PLEKHA8: variants seen among roughly 807,000 people sequenced by gnomAD.
PLEKHA8 encodes pleckstrin homology domain containing A8.
Under a neutral mutation model 68.2 loss-of-function variants are expected in PLEKHA8, and 36 were observed. The observed-to-expected ratio is 0.53, with a 90% CI of 0.40 to 0.70. PLEKHA8 has a LOEUF of 0.70. PLEKHA8 is among the 30% of genes least tolerant of loss of function. The pLI is 0.00. For synonymous variants in PLEKHA8, 211 were observed against 216.1 expected (o/e 0.98, Z 0.20); for missense variants, 505 against 615.4 (o/e 0.82, Z 1.90).
chr7:30,080,272 GC>G lies in PLEKHA8; in HGVS notation c.*1488del. The G allele has an allele frequency of 1.0e-6, 1 of 985,386 alleles. No individual in the cohort carries two copies. The highest frequency in any genetic ancestry group is 1.2e-6 in the Non-Finnish European group (1 of 829,920). The allele number at this position is 985,386 out of a possible 1,614,324, so 61.0% of individuals were successfully genotyped here. On this transcript the variant is annotated 3_prime_UTR_variant, in exon 14 of 14. Transcript: ENST00000449726. ...TGCACAGTGTGATGCTCCAACCCTG[GC>G]CCTAGTCTCAGTAGACCATGCTGCC... is the stretch of plus-strand genomic sequence containing the variant.
chr7:30,129,317 G>C (rs183218510), exon 14 of PLEKHA8: 2 of 1,612,654 alleles, frequency 1.2e-6, no homozygotes, highest in African/African-American at 2.7e-5. Context: ...TGGACCATGA[G>C]GCAACTCTGA....
chr7:30,060,330 A>G (rs1793337444), intron 9 of PLEKHA8, among the ~76,000 whole-genome samples: 1 of 149,980 alleles, frequency 6.7e-6, no homozygotes, highest in African/African-American at 2.5e-5. Context: ...AATCTCAGCT[A>G]CTCGGGAGGC....
At chr7:30,061,033 G>A in intron 10 of PLEKHA8, 91 bp downstream of exon 10, 2 of 1,203,964 alleles carry the variant, frequency 1.7e-6, no homozygotes, top group Admixed American at 1.9e-5. Context: ...ATCAAAAAGT[G>A]AAAAATGTGT....
chr7:30,093,768 G>T (rs568215168), downstream of PLEKHA8, among the ~76,000 whole-genome samples: 1 of 152,176 alleles, frequency 6.6e-6, no homozygotes, highest in African/African-American at 2.4e-5. Context: ...GCTGCCTGCC[G>T]CATGCATGGG....
In PLEKHA8 at chr7:30,116,172, A is replaced by G. The variant is rs192038583; in HGVS notation, c.1363-13094A>G. Among the ~76,000 whole-genome samples, 468 of 151,522 alleles carry G rather than the reference A, an allele frequency of 3.1e-3. 1 individual carries two copies. Among genetic ancestry groups the G allele is most frequent in the Admixed American group, 4.5e-3 (68 of 15,280 alleles). ...CATACATACACGTATACATGTGTAT[A>G]CATATGTATACATACGCATACATAC... On this transcript the variant is annotated intron_variant, in intron 13 of 13. Coordinates refer to the PLEKHA8 transcript ENST00000396257.
Position 30,079,370 on chromosome 7 carries a change from G to A in PLEKHA8, c.*583G>A, listed in dbSNP as rs1183962734. The A allele has an allele frequency of 7.1e-6, 7 of 985,872 alleles. No individual in the cohort carries two copies. The highest frequency in any genetic ancestry group is 7.2e-6 in the Non-Finnish European group (6 of 830,436). The allele number at this position is 985,872 out of a possible 1,614,324, so 61.1% of individuals were successfully genotyped here. A position where few individuals can be genotyped will look rare whatever the true frequency, so the allele number is the denominator to read the frequency against. On this transcript the variant is annotated 3_prime_UTR_variant, in exon 14 of 14. Coordinates refer to ENST00000449726, the MANE Select transcript of PLEKHA8 (RefSeq NM_001197026.2). ...TGCAATTGTGGGAGGCGAAGAAGACGTGGACAGGAGTCCCATCCTTGCTGA... is the reference window on the plus strand; with the variant it reads ...TGCAATTGTGGGAGGCGAAGAAGACATGGACAGGAGTCCCATCCTTGCTGA...
intron 13 of PLEKHA8, among the ~76,000 whole-genome samples, chr7:30,109,674 T>C (rs1236427863): frequency 7.5e-6 from 1 of 133,814 alleles, no homozygotes; most frequent in Non-Finnish European, 1.7e-5. Context: ...TTTCTTTTTC[T>C]TTTTTTTTTT....
rs140737342 is a variant in PLEKHA8 at position 30,047,258 on chromosome 7, T to C, written c.314-574T>C. On this transcript the variant is annotated intron_variant, in intron 3 of 13. Transcript: ENST00000449726. ...AAGGAAACAGAAAAGTGATAATAAT[T>C]GTAGCTGAGCCCTCGATGCCAGGGT... Among the ~76,000 whole-genome samples the C allele has an allele frequency of 7.1e-3, 1,082 of 152,244 alleles. 44 individuals are homozygous for C. The highest frequency in any genetic ancestry group is 0.065 in the Admixed American group (990 of 15,280).
chr7:30,072,298 A>G (rs917253238), intron 12 of PLEKHA8, among the ~76,000 whole-genome samples: 1 of 152,218 alleles, frequency 6.6e-6, no homozygotes. Context: ...TCTATTTCAC[A>G]TGTACAGTCT....
At chr7:30,108,961 A>G (rs1166223736) in intron 13 of PLEKHA8, among the ~76,000 whole-genome samples, 1 of 152,218 alleles carries the variant, frequency 6.6e-6, no homozygotes, top group Non-Finnish European at 1.5e-5. Context: ...TGGTGGCACT[A>G]GAAGAGCCTG....
rs1405525933 is a variant in PLEKHA8, at chr7:30,115,926, A to G, written c.1363-13340A>G. The G allele has an allele frequency of 2.3e-4, 34 of 148,538 alleles. 4 individuals are homozygous for G. Among genetic ancestry groups the G allele is most frequent in the African/African-American group, 8.1e-4 (33 of 40,654 alleles). 9.2% of individuals were successfully genotyped at this position (148,538 alleles called of 1,614,324 possible). A position where few individuals can be genotyped will look rare whatever the true frequency, so the allele number is the denominator to read the frequency against. ...TGTATACATGCATGCGTGCGTGTAC[A>G]TACATGTATACATGCACACATACGC... On this transcript the variant is annotated intron_variant, in intron 13 of 13. Transcript: ENST00000396257.
chr7:30,053,788 C>G (rs1301572157), intron 7 of PLEKHA8, among the ~76,000 whole-genome samples: 1 of 152,194 alleles, frequency 6.6e-6, no homozygotes, highest in Non-Finnish European at 1.5e-5. Context: ...GTTATTGAGT[C>G]ACCATGAGCA....
intron 1 of PLEKHA8, among the ~76,000 whole-genome samples, chr7:30,040,059 T>C (rs542666109): frequency 2.0e-5 from 3 of 152,344 alleles, no homozygotes; most frequent in Admixed American, 2.0e-4. Flanking sequence ...CTAAGTTTGT[T>C]AGGTGTTTTT....
At chr7:30,069,136 G>A (rs1474137842) in intron 12 of PLEKHA8, among the ~76,000 whole-genome samples, 8 of 152,120 alleles carry the variant, frequency 5.3e-5, no homozygotes, top group Admixed American at 4.6e-4. Context: ...TTACTGGACC[G>A]TTCTCTCTAG....
At chr7:30,033,635 A>G (rs540323280) in intron 1 of PLEKHA8, among the ~76,000 whole-genome samples, 1 of 152,310 alleles carries the variant, frequency 6.6e-6, no homozygotes, top group African/African-American at 2.4e-5. Context: ...TTGTATAGAC[A>G]TGATTTCATT....
chr7:30,058,210 T>A lies in PLEKHA8; in HGVS notation c.1040-2674T>A, dbSNP rs889172203. On this transcript the variant is annotated intron_variant, in intron 9 of 13. Transcript: ENST00000449726. ...TATATATTCTTAATTAAAATTCCATTGTAGACATGTGAATATTTTCCCCCA... is the reference window on the plus strand; with the variant it reads ...TATATATTCTTAATTAAAATTCCATAGTAGACATGTGAATATTTTCCCCCA... Among the ~76,000 whole-genome samples, 11 of 152,276 alleles carry A rather than the reference T, an allele frequency of 7.2e-5. No homozygotes were observed. The South Asian group carries it at 1.0e-3, about 14-fold the overall frequency.
intron 13 of PLEKHA8, among the ~76,000 whole-genome samples, chr7:30,100,433 TC>T (rs1424427712): frequency 6.6e-6 from 1 of 151,952 alleles, no homozygotes; most frequent in African/African-American, 2.4e-5. Context: ...ACACCTGTGG[TC>T]CCAGCTACTC....
chr7:30,093,832 A>G (rs796840882), downstream of PLEKHA8, among the ~76,000 whole-genome samples: 24 of 152,338 alleles, frequency 1.6e-4, no homozygotes, highest in African/African-American at 5.1e-4. Flanking sequence ...GGGTGTGAGC[A>G]TGGAAACCAC....
At chr7:30,065,692 G>A (rs1793797184) in intron 12 of PLEKHA8, among the ~76,000 whole-genome samples, 2 of 152,150 alleles carry the variant, frequency 1.3e-5, no homozygotes, top group Admixed American at 1.3e-4. Flanking sequence ...AAATTCTAAA[G>A]TTGAATTTAA....
Sources: allele counts gnomAD v4.1 joint callset (sites outside exome capture counted in the v4.1 genomes callset), GRCh38; gene constraint gnomAD v4.1.1; transcripts MANE v1.5; gene names NCBI Gene and HGNC (gene_info 2026-07-23, HGNC 2026-07-21).